Variants in SLC24A3 observed in about 807,000 individuals in gnomAD.
SLC24A3 encodes solute carrier family 24 member 3, also known as sodium/potassium/calcium exchanger 3.
A neutral mutation model predicts 75.8 loss-of-function variants in SLC24A3; 28 were observed. That is an observed-to-expected ratio of 0.37 (90% CI 0.27 to 0.51). The LOEUF is 0.51. Ranked by LOEUF, SLC24A3 falls within the 20% of genes least tolerant of loss-of-function variation. The pLI is 0.94. For missense variants in SLC24A3, 663 were observed against 847.8 expected (o/e 0.78, Z 2.71); for synonymous variants, 372 against 334.1 (o/e 1.11, Z -1.24).
At chr20:19,269,494 C>T (rs956420630) in intron 1 of SLC24A3, among the ~76,000 whole-genome samples, 1 of 152,236 alleles carries the variant, frequency 6.6e-6, no homozygotes. Flanking sequence ...GTCTGAAAGG[C>T]GATTTCAATT....
chr20:19,352,284 C>A (rs968728820), intron 2 of SLC24A3, among the ~76,000 whole-genome samples: 2 of 152,134 alleles, frequency 1.3e-5, no homozygotes, highest in African/African-American at 4.8e-5. Flanking sequence ...ATCCAGGGGG[C>A]CCTATTGATG....
At position 19,560,835 on chromosome 20, in the gene SLC24A3, G is replaced by A. The variant is rs184012455; in HGVS notation, c.349-19165G>A. 2.0e-4 allele frequency among the ~76,000 whole-genome samples: 30 copies of A among 152,196 alleles called. No individual in the cohort carries two copies. In the East Asian group the frequency reaches 2.9e-3, roughly 15 times the overall value. On this transcript the variant is annotated intron_variant, in intron 3 of 16. Coordinates refer to ENST00000328041, the MANE Select transcript of SLC24A3 (RefSeq NM_020689.4). ...TCCATTAGTACATTTTGTATTCTTCGAAGAAAGGGTAATTCTTTGTCAGTC... is the reference window on the plus strand; with the variant it reads ...TCCATTAGTACATTTTGTATTCTTCAAAGAAAGGGTAATTCTTTGTCAGTC...
chr20:19,460,040 G>A (rs969249046), intron 2 of SLC24A3, among the ~76,000 whole-genome samples: 1 of 152,192 alleles, frequency 6.6e-6, no homozygotes, highest in Non-Finnish European at 1.5e-5. Flanking sequence ...AAGCAAGATA[G>A]AAAAGAAGTG....
intron 2 of SLC24A3, among the ~76,000 whole-genome samples, chr20:19,439,170 G>A (rs916631584): frequency 6.6e-6 from 1 of 152,174 alleles, no homozygotes; most frequent in Non-Finnish European, 1.5e-5. Context: ...TGCCCCCTTA[G>A]CACTCTGTGA....
At chr20:19,213,316 G>T (rs1159169975) in intron 1 of SLC24A3, 1 of 169,662 alleles carries the variant, frequency 5.9e-6, no homozygotes. Flanking sequence ...CAGCCCCCAA[G>T]GCCAGGGATA....
rs187942637 is a variant in SLC24A3, at chr20:19,649,025, A to G, written c.613-5037A>G. 7.9e-5 allele frequency among the ~76,000 whole-genome samples: 12 copies of G among 152,306 alleles called. No individual in the cohort carries two copies. In the East Asian group the frequency reaches 1.7e-3, roughly 22 times the overall value. ...CAGAATTACTCACTGTTGGTTTTCT[A>G]CTGGGATCTCTAATCTGGTCTCTTA... On this transcript the variant is annotated intron_variant, in intron 6 of 16. Transcript: ENST00000328041.
chr20:19,583,522 G>T (rs2031249473), intron 4 of SLC24A3, among the ~76,000 whole-genome samples: 1 of 152,098 alleles, frequency 6.6e-6, no homozygotes, highest in Non-Finnish European at 1.5e-5. Context: ...GTGAGATATT[G>T]CCAGGGCTGA....
At chr20:19,583,647 T>C (rs1196966401) in intron 4 of SLC24A3, among the ~76,000 whole-genome samples, 1 of 152,152 alleles carries the variant, frequency 6.6e-6, no homozygotes, top group African/African-American at 2.4e-5. Context: ...CCACAACTAA[T>C]ACCCCAGCAG....
chr20:19,701,101 C>T (rs1278113438), intron 15 of SLC24A3, among the ~76,000 whole-genome samples: 2 of 152,236 alleles, frequency 1.3e-5, no homozygotes, highest in Admixed American at 1.3e-4. Flanking sequence ...ACAGGAAGCC[C>T]CATGAGGGCT....
At chr20:19,720,613 G>T (rs1294289984) in intron 16 of SLC24A3, among the ~76,000 whole-genome samples, 1 of 152,122 alleles carries the variant, frequency 6.6e-6, no homozygotes. Flanking sequence ...GGACTGAGGG[G>T]TCAGTGTCCC....
At chr20:19,573,533 G>C (rs565099249) in intron 3 of SLC24A3, among the ~76,000 whole-genome samples, 1 of 152,346 alleles carries the variant, frequency 6.6e-6, no homozygotes, top group South Asian at 2.1e-4. Context: ...CTAATGGTGA[G>C]TGAAGCAAGT....
chr20:19,230,607 T>C (rs1981992062), intron 1 of SLC24A3, among the ~76,000 whole-genome samples: 2 of 143,504 alleles, frequency 1.4e-5, no homozygotes, highest in South Asian at 4.6e-4. Context: ...AATGGATGGG[T>C]ATAGAAAGAC....
At chr20:19,267,228 C>T (rs562590971) in intron 1 of SLC24A3, among the ~76,000 whole-genome samples, 1 of 152,244 alleles carries the variant, frequency 6.6e-6, no homozygotes, top group East Asian at 1.9e-4. Flanking sequence ...ATACAGCTAA[C>T]AGAAGGTCTG....
At chr20:19,372,635 A>G (rs907320291) in intron 2 of SLC24A3, among the ~76,000 whole-genome samples, 5 of 152,218 alleles carry the variant, frequency 3.3e-5, no homozygotes, top group African/African-American at 4.8e-5. Flanking sequence ...GAAGCTTCCT[A>G]TGTGTTTACT....
chr20:19,332,722 C>T (rs1365546921), intron 2 of SLC24A3, among the ~76,000 whole-genome samples: 1 of 152,108 alleles, frequency 6.6e-6, no homozygotes, highest in African/African-American at 2.4e-5. Context: ...CCCAGCGCTC[C>T]CTAAAATAGG....
At chr20:19,422,792 G>A (rs6112368) in intron 2 of SLC24A3, among the ~76,000 whole-genome samples, 6 of 152,184 alleles carry the variant, frequency 3.9e-5, no homozygotes, top group Admixed American at 3.9e-4. Context: ...CAATCAGGAA[G>A]GAATTTCTCA....
chr20:19,672,354 A>C (rs921561838), intron 8 of SLC24A3, among the ~76,000 whole-genome samples: 1 of 152,114 alleles, frequency 6.6e-6, no homozygotes, highest in African/African-American at 2.4e-5. Flanking sequence ...GGGAGATGGA[A>C]GAAAGGGTTT....
chr20:19,634,768 G>A (rs1008557140), intron 6 of SLC24A3, among the ~76,000 whole-genome samples: 5 of 151,448 alleles, frequency 3.3e-5, no homozygotes, highest in South Asian at 2.1e-4. Context: ...ACTGGAAGCC[G>A]GGGGGGACAC....
chr20:19,339,698 C>G (rs1199221476), intron 2 of SLC24A3, among the ~76,000 whole-genome samples: 2 of 152,186 alleles, frequency 1.3e-5, no homozygotes, highest in Non-Finnish European at 2.9e-5. Flanking sequence ...GGCTGAGGGC[C>G]AGAAACCAAC....
Sources: allele counts gnomAD v4.1 joint callset (sites outside exome capture counted in the v4.1 genomes callset), GRCh38; gene constraint gnomAD v4.1.1; transcripts MANE v1.5; gene names NCBI Gene and HGNC (gene_info 2026-07-23, HGNC 2026-07-21).